The following HPSE2 variants were observed in gnomAD, a reference collection of about 807,000 sequenced individuals.
HPSE2 encodes heparanase 2 (inactive).
In HPSE2, 38 loss-of-function variants were observed where a neutral mutation model predicts 60.5. The ratio of observed to expected loss-of-function variants is 0.63; its 90% CI spans 0.48 to 0.82. The LOEUF (loss-of-function observed/expected upper bound fraction) is 0.82, where lower values mean the gene tolerates loss of function less well. HPSE2 is among the 40% of genes least tolerant of loss of function. HPSE2 has a pLI of 0.00. For synonymous variants in HPSE2, 295 were observed against 293.2 expected (o/e 1.01, Z -0.06); for missense variants, 713 against 740.4 (o/e 0.96, Z 0.43).
At chr10:98,985,977 C>G (rs1175170773) in intron 3 of HPSE2, among the ~76,000 whole-genome samples, 1 of 152,098 alleles carries the variant, frequency 6.6e-6, no homozygotes, top group South Asian at 2.1e-4. Flanking sequence ...CACAGGAGCA[C>G]CCAGATTCAT....
intron 2 of HPSE2, among the ~76,000 whole-genome samples, chr10:99,198,386 C>T (rs1331513669): frequency 6.6e-6 from 1 of 152,188 alleles, no homozygotes; most frequent in African/African-American, 2.4e-5. Context: ...AAGGAGCTTA[C>T]TCTCCTCATA....
chr10:98,759,594 T>C (rs1949960123), intron 3 of HPSE2, among the ~76,000 whole-genome samples: 2 of 152,088 alleles, frequency 1.3e-5, no homozygotes, highest in South Asian at 4.1e-4. Flanking sequence ...TAAAGATCAG[T>C]TGACTAAAAA....
At chr10:98,736,876 T>C (rs1949370880) in intron 4 of HPSE2, among the ~76,000 whole-genome samples, 1 of 152,202 alleles carries the variant, frequency 6.6e-6, no homozygotes, top group South Asian at 2.1e-4. Flanking sequence ...CATTTCACAC[T>C]TGGCATATTT....
intron 9 of HPSE2, among the ~76,000 whole-genome samples, chr10:98,568,627 T>C (rs185559622): frequency 6.6e-6 from 1 of 152,364 alleles, no homozygotes; most frequent in Admixed American, 6.5e-5. Context: ...TTGACTTCTC[T>C]TTCTCTCTAG....
chr10:99,221,092 G>A (rs949792180), intron 2 of HPSE2, among the ~76,000 whole-genome samples: 3 of 151,982 alleles, frequency 2.0e-5, no homozygotes, highest in Non-Finnish European at 2.9e-5. Context: ...TGATCCGCCC[G>A]CCTCAGCCTC....
chr10:98,594,660 T>C (rs1945181716), intron 9 of HPSE2, among the ~76,000 whole-genome samples: 1 of 152,198 alleles, frequency 6.6e-6, no homozygotes, highest in Non-Finnish European at 1.5e-5. Flanking sequence ...CTGAGTAGTA[T>C]TCTATTGTGT....
At chr10:98,693,805 C>T in intron 6 of HPSE2, 95 bp downstream of exon 6, 1 of 1,041,410 alleles carries the variant, frequency 9.6e-7, no homozygotes, top group East Asian at 2.4e-5. Context: ...TGAAGGATAG[C>T]TTATTAAATG....
chr10:98,755,792 T>C (rs1014499484), intron 3 of HPSE2, among the ~76,000 whole-genome samples: 3 of 152,012 alleles, frequency 2.0e-5, no homozygotes, highest in African/African-American at 7.3e-5. Flanking sequence ...TGTCAGGAGA[T>C]CGAGACCATC....
At chr10:99,004,800 T>C (rs937673244) in intron 3 of HPSE2, among the ~76,000 whole-genome samples, 4 of 152,204 alleles carry the variant, frequency 2.6e-5, no homozygotes, top group Non-Finnish European at 4.4e-5. Context: ...CTTGAAGAAC[T>C]ACCTTTAGTA....
chr10:98,858,834 T>G (rs1487824994), intron 3 of HPSE2, among the ~76,000 whole-genome samples: 2 of 152,354 alleles, frequency 1.3e-5, no homozygotes, highest in Non-Finnish European at 1.5e-5. Context: ...TTATTTAGAA[T>G]GCAGAATACA....
At chr10:98,969,234 A>G (rs1050338898) in intron 3 of HPSE2, among the ~76,000 whole-genome samples, 2 of 152,184 alleles carry the variant, frequency 1.3e-5, no homozygotes, top group African/African-American at 2.4e-5. Context: ...TATATGAAAT[A>G]TAAGCACCAA....
intron 3 of HPSE2, among the ~76,000 whole-genome samples, chr10:99,083,565 G>C (rs1336630778): frequency 6.6e-6 from 1 of 151,956 alleles, no homozygotes; most frequent in Non-Finnish European, 1.5e-5. Flanking sequence ...ATTTACAGTG[G>C]GCTTCTAAAT....
At chr10:98,721,327 T>A (rs1948917529) in intron 5 of HPSE2, among the ~76,000 whole-genome samples, 1 of 151,832 alleles carries the variant, frequency 6.6e-6, no homozygotes, top group Non-Finnish European at 1.5e-5. Context: ...ATAGAGTAAT[T>A]TTTTTTTGTT....
At chr10:99,262,586 C>A in the HPSE2 span, among the ~76,000 whole-genome samples, 1 of 152,160 alleles carries the variant, frequency 6.6e-6, no homozygotes, top group Non-Finnish European at 1.5e-5. Flanking sequence ...TATCCCATCC[C>A]ACAGCATGCT....
intron 10 of HPSE2, 107 bp from the exon 11 acceptor site, chr10:98,482,889 C>T: frequency 4.0e-6 from 5 of 1,255,196 alleles, no homozygotes; most frequent in Non-Finnish European, 5.7e-6. Flanking sequence ...CTGAAAATGG[C>T]ACTTAAAAAC....
intron 3 of HPSE2, among the ~76,000 whole-genome samples, chr10:98,915,466 A>C (rs1016743741): frequency 2.0e-5 from 3 of 152,088 alleles, no homozygotes; most frequent in Admixed American, 1.3e-4. Flanking sequence ...ATTTTTTTAC[A>C]ATAAGCAAGC....
chr10:99,054,567 G>A (rs1293191979), intron 3 of HPSE2, among the ~76,000 whole-genome samples: 1 of 152,150 alleles, frequency 6.6e-6, no homozygotes, highest in Non-Finnish European at 1.5e-5. Flanking sequence ...ATCTTCCACA[G>A]ATCTGTACTA....
intron 3 of HPSE2, among the ~76,000 whole-genome samples, chr10:99,131,658 T>C (rs1845389259): frequency 6.6e-6 from 1 of 152,078 alleles, no homozygotes; most frequent in African/African-American, 2.4e-5. Flanking sequence ...AAACCAAACA[T>C]TGTATGTTCT....
At chr10:98,752,399 G>T (rs975506348) in intron 3 of HPSE2, among the ~76,000 whole-genome samples, 6 of 152,090 alleles carry the variant, frequency 3.9e-5, no homozygotes, top group African/African-American at 1.4e-4. Context: ...TAGCCTATGG[G>T]TTTTAACATT....
Sources: gnomAD v4.1 joint callset for allele counts (sites outside exome capture counted in the v4.1 genomes callset) on GRCh38, gnomAD v4.1.1 for gene constraint, MANE v1.5 for transcripts, NCBI Gene and HGNC (gene_info 2026-07-23, HGNC 2026-07-21) for gene names.